Variants in WWOX observed in about 807,000 individuals in gnomAD.
The protein encoded by WWOX is WW domain-containing oxidoreductase.
Under a neutral mutation model 46.2 loss-of-function variants are expected in WWOX, and 69 were observed. The observed-to-expected ratio is 1.49, with a 90% confidence interval of 1.23 to 1.82. The LOEUF is 1.82. WWOX is among the 40% of genes most tolerant of loss of function. The pLI is 0.00. For synonymous variants in WWOX, 359 were observed against 202.6 expected (o/e 1.77, Z -6.56); for missense variants, 919 against 542.6 (o/e 1.69, Z -6.89).
At chr16:78,250,487 G>C (rs1023908116) in intron 5 of WWOX, among the ~76,000 whole-genome samples, 1 of 152,192 alleles carries the variant, frequency 6.6e-6, no homozygotes, top group East Asian at 1.9e-4. Flanking sequence ...CCAACAGATA[G>C]AAACTATTGG....
intron 5 of WWOX, among the ~76,000 whole-genome samples, chr16:78,209,874 A>G (rs2036504134): frequency 6.6e-6 from 1 of 152,216 alleles, no homozygotes. Context: ...TTCATTTATA[A>G]GTTACCTTCT....
chr16:79,138,675 A>G (rs937575069), intron 8 of WWOX, among the ~76,000 whole-genome samples: 1 of 151,924 alleles, frequency 6.6e-6, no homozygotes, highest in Non-Finnish European at 1.5e-5. Flanking sequence ...CATGATCACA[A>G]CTCTCTAACG....
intron 8 of WWOX, among the ~76,000 whole-genome samples, chr16:78,922,110 A>G (rs1226860028): frequency 1.3e-5 from 2 of 152,142 alleles, no homozygotes; most frequent in Non-Finnish European, 2.9e-5. Context: ...TGTTCAGAGT[A>G]TTTATTGGGT....
At chr16:78,300,282 T>C (rs1015988513) in intron 5 of WWOX, among the ~76,000 whole-genome samples, 2 of 152,162 alleles carry the variant, frequency 1.3e-5, no homozygotes, top group Non-Finnish European at 2.9e-5. Flanking sequence ...TTGTCTCCAA[T>C]ATGGGTGTTA....
chr16:78,883,617 A>C (rs1024894121), intron 8 of WWOX, among the ~76,000 whole-genome samples: 1 of 152,018 alleles, frequency 6.6e-6, no homozygotes, highest in African/African-American at 2.4e-5. Flanking sequence ...CCAGCTACTC[A>C]GGAGGCTGAA....
At chr16:78,781,581 A>T (rs546881952) in intron 8 of WWOX, among the ~76,000 whole-genome samples, 18 of 152,146 alleles carry the variant, frequency 1.2e-4, no homozygotes, top group African/African-American at 4.1e-4. Flanking sequence ...ATGTTTATCT[A>T]TCCCCCACCC....
At chr16:78,648,452 T>C (rs114407655) in intron 8 of WWOX, among the ~76,000 whole-genome samples, 2,142 of 152,290 alleles carry the variant, frequency 0.014, 44 homozygotes, top group African/African-American at 0.049. Context: ...TAGGATATCT[T>C]GCTAATGAGA....
chr16:79,209,343 G>T (rs16949947), intron 8 of WWOX, among the ~76,000 whole-genome samples: 20,387 of 152,152 alleles, frequency 0.13, 2,168 homozygotes, highest in African/African-American at 0.29. Flanking sequence ...GTGCAACGTG[G>T]TATCATTACA....
intron 4 of WWOX, among the ~76,000 whole-genome samples, chr16:78,154,900 C>G (rs1396213649): frequency 1.3e-5 from 2 of 152,082 alleles, no homozygotes; most frequent in Non-Finnish European, 2.9e-5. Flanking sequence ...AGGATGTTTC[C>G]TGAATAATGT....
intron 8 of WWOX, among the ~76,000 whole-genome samples, chr16:78,939,043 AAGAAAT>A (rs1458869314): frequency 6.6e-6 from 1 of 152,214 alleles, no homozygotes; most frequent in African/African-American, 2.4e-5. Flanking sequence ...AGGTTTGAAA[AAGAAAT>A]GGAATTTCTA....
intron 8 of WWOX, among the ~76,000 whole-genome samples, chr16:78,728,786 C>G (rs1247430460): frequency 6.6e-6 from 1 of 152,102 alleles, no homozygotes; most frequent in East Asian, 1.9e-4. Context: ...ACATTGTGTC[C>G]TTGTCTACAC....
intron 8 of WWOX, among the ~76,000 whole-genome samples, chr16:79,040,255 A>T (rs1267530507): frequency 4.7e-5 from 7 of 149,432 alleles, no homozygotes; most frequent in African/African-American, 7.4e-5. Context: ...GGTACATTTC[A>T]GTTCATTCTT....
intron 8 of WWOX, among the ~76,000 whole-genome samples, chr16:78,834,696 A>T (rs897849471): frequency 6.6e-6 from 1 of 152,192 alleles, no homozygotes; most frequent in African/African-American, 2.4e-5. Context: ...GATTTTGTAT[A>T]TTGCAGAGAT....
In WWOX at chr16:78,251,768, C is replaced by T. The variant is rs571606572; in HGVS notation, c.516+87479C>T. ...AGATGTAGACATCAAGTAATTCTAT[C>T]GTTAAAGGATTAGTCAGCCTCTCCC... On this transcript the variant is annotated intron_variant, in intron 5 of 8. Transcript: ENST00000566780. Among the ~76,000 whole-genome samples, 11 of 152,290 alleles carry T rather than the reference C, an allele frequency of 7.2e-5. No individual in the cohort carries two copies. The South Asian group carries it at 8.3e-4, about 11-fold the overall frequency.
At chr16:78,304,482 A>G (rs950406020) in intron 5 of WWOX, among the ~76,000 whole-genome samples, 17 of 152,168 alleles carry the variant, frequency 1.1e-4, no homozygotes, top group African/African-American at 4.1e-4. Context: ...ACTCCAGCAC[A>G]CCCATAGTGC....
intron 8 of WWOX, among the ~76,000 whole-genome samples, chr16:78,655,651 G>C (rs2047064084): frequency 6.6e-6 from 1 of 151,894 alleles, no homozygotes; most frequent in Non-Finnish European, 1.5e-5. Flanking sequence ...GAATTATACG[G>C]TCATTTATAT....
chr16:78,329,169 T>C (rs112504369), intron 5 of WWOX, among the ~76,000 whole-genome samples: 13 of 152,248 alleles, frequency 8.5e-5, no homozygotes, highest in South Asian at 4.2e-4. Flanking sequence ...CCTGCTGATA[T>C]ATTTTTAATT....
intron 8 of WWOX, among the ~76,000 whole-genome samples, chr16:79,031,283 G>A (rs984469747): frequency 6.6e-6 from 1 of 152,092 alleles, no homozygotes; most frequent in Non-Finnish European, 1.5e-5. Context: ...GGTACGTGGT[G>A]GGTGACTCCC....
At chr16:78,468,905 C>T (rs938656055) in intron 8 of WWOX, among the ~76,000 whole-genome samples, 1 of 152,196 alleles carries the variant, frequency 6.6e-6, no homozygotes, top group African/African-American at 2.4e-5. Flanking sequence ...CCTTTGTAAC[C>T]TGTAACCCCC....
Sources: allele counts gnomAD v4.1 joint callset (sites outside exome capture counted in the v4.1 genomes callset), GRCh38; gene constraint gnomAD v4.1.1; transcripts MANE v1.5; gene names NCBI Gene and HGNC (gene_info 2026-07-23, HGNC 2026-07-21).